The following PTPRA variants were observed in gnomAD, a reference collection of about 807,000 sequenced individuals.
The protein encoded by PTPRA is protein tyrosine phosphatase receptor type A.
Under a neutral mutation model 104.8 loss-of-function variants are expected in PTPRA, and 25 were observed. That is an observed-to-expected ratio of 0.24 (90% CI 0.17 to 0.33). The LOEUF is 0.33. Among genes scored for constraint, PTPRA ranks in the 10% least tolerant of loss-of-function variants. The probability of loss-of-function intolerance (pLI) is 1.00; values close to 1 mark genes in which losing one functional copy is unlikely to be tolerated. For synonymous variants in PTPRA, 323 were observed against 368.9 expected (o/e 0.88, Z 1.43); for missense variants, 765 against 1,015.3 (o/e 0.75, Z 3.35).
chr20:3,037,063 G>GC lies in PTPRA; in HGVS notation c.2199-86dup. On this transcript the variant is annotated intron_variant, in intron 22 of 23. Coordinates refer to ENST00000399903, the MANE Select transcript of PTPRA (RefSeq NM_001385305.1). This position sits in a 1 kb window ranked among gnomAD's most constrained non-coding sequence, Gnocchi z 4.3. Reference sequence around the variant, plus strand: ...GGGCAAAGGCGAGCACCAGCTGCCTGCCCCCACCTCTTCTGCCACTCACCA... The same window carrying GC: ...GGGCAAAGGCGAGCACCAGCTGCCTGCCCCCCACCTCTTCTGCCACTCACCA... 1.3e-6 allele frequency: 2 copies of GC among 1,538,760 alleles called. No individual in the cohort carries two copies. Among genetic ancestry groups the GC allele is most frequent in the East Asian group, 2.3e-5 (1 of 43,908 alleles).
At chr20:2,910,578 G>GTTTCTTTTTTTTTTTTTTTTTTTT (rs1337126801) in intron 1 of PTPRA, among the ~76,000 whole-genome samples, 5 of 32,430 alleles carry the variant, frequency 1.5e-4, no homozygotes, top group Non-Finnish European at 2.1e-4. Context: ...TGCCCAGCTA[G>GTTTCTTTTTTTTTTTTTTTTTTTT]TTTTTTTTTT....
At chr20:2,984,129 G>C (rs1766206202) in intron 6 of PTPRA, among the ~76,000 whole-genome samples, 2 of 152,038 alleles carry the variant, frequency 1.3e-5, no homozygotes, top group South Asian at 4.1e-4. Flanking sequence ...TTTAAGGTGA[G>C]AGCCACATAC....
intron 3 of PTPRA, among the ~76,000 whole-genome samples, chr20:2,957,183 G>C (rs1014994747): frequency 1.3e-5 from 2 of 152,206 alleles, no homozygotes; most frequent in Non-Finnish European, 1.5e-5. Flanking sequence ...TACTCGGAAG[G>C]CTGAGGCAGG....
At chr20:2,982,452 G>C (rs1228989303) in intron 6 of PTPRA, among the ~76,000 whole-genome samples, 1 of 150,900 alleles carries the variant, frequency 6.6e-6, no homozygotes, top group East Asian at 1.9e-4. Context: ...ATTTTTTTTT[G>C]TTCTTTGGCT....
chr20:2,916,224 G>A (rs1253851533), intron 1 of PTPRA, among the ~76,000 whole-genome samples: 1 of 152,008 alleles, frequency 6.6e-6, no homozygotes, highest in Non-Finnish European at 1.5e-5. Flanking sequence ...ATTTTTTCTA[G>A]AGATGGGGTT....
Position 2,950,422 on chromosome 20 carries a change from A to G in PTPRA, c.-7+2398A>G, listed in dbSNP as rs2061313038. Among the ~76,000 whole-genome samples the G allele has an allele frequency of 6.6e-6, 1 of 151,866 alleles. No individual in the cohort carries two copies. Among genetic ancestry groups the G allele is most frequent in the African/African-American group, 2.4e-5 (1 of 41,362 alleles). On this transcript the variant is annotated intron_variant, in intron 3 of 23. Transcript: ENST00000399903. The surrounding 1 kb of genome is among the most constrained non-coding windows in gnomAD (Gnocchi z 4.0). ...GGGAGGCCGAGGCGGGCGGATCACG[A>G]GGTCAAGAGATCGAGACCATCCTGG... is the stretch of plus-strand genomic sequence containing the variant.
chr20:2,941,923 A>G (rs1156627110), intron 2 of PTPRA, among the ~76,000 whole-genome samples: 2 of 152,176 alleles, frequency 1.3e-5, no homozygotes, highest in Non-Finnish European at 2.9e-5. Flanking sequence ...TTAGAGTCCT[A>G]TAATTCTCTT....
chr20:2,997,963 A>G (rs2063466886), intron 9 of PTPRA, among the ~76,000 whole-genome samples: 1 of 152,188 alleles, frequency 6.6e-6, no homozygotes, highest in Non-Finnish European at 1.5e-5. Flanking sequence ...TTATCTCTAC[A>G]AAACAATTTT....
chr20:2,928,039 T>C (rs932073222), intron 2 of PTPRA, among the ~76,000 whole-genome samples: 2 of 152,148 alleles, frequency 1.3e-5, no homozygotes, highest in African/African-American at 2.4e-5. Flanking sequence ...CAATCTATCT[T>C]ACCAGAGTTC....
chr20:2,935,022 T>C (rs2060640419), intron 2 of PTPRA, among the ~76,000 whole-genome samples: 1 of 152,100 alleles, frequency 6.6e-6, no homozygotes, highest in Non-Finnish European at 1.5e-5. Context: ...AAATAACATA[T>C]TAATATCCTT....
chr20:2,867,270 T>C, the PTPRA span, among the ~76,000 whole-genome samples: 1 of 152,156 alleles, frequency 6.6e-6, no homozygotes, highest in Non-Finnish European at 1.5e-5. Context: ...TAATGAGAAG[T>C]GTGTGGCCTG....
At chr20:2,926,769 C>CTT (rs777386962) in intron 2 of PTPRA, among the ~76,000 whole-genome samples, 1,854 of 84,792 alleles carry the variant, frequency 0.022, 34 homozygotes, top group East Asian at 0.079. Context: ...TTTCCTTTTC[C>CTT]TTTTTTTTTT....
At chr20:2,995,919 C>T (rs1422265994) in intron 9 of PTPRA, among the ~76,000 whole-genome samples, 1 of 152,190 alleles carries the variant, frequency 6.6e-6, no homozygotes, top group Non-Finnish European at 1.5e-5. Flanking sequence ...TTGAACACAT[C>T]ACAGGTAATT....
intron 9 of PTPRA, among the ~76,000 whole-genome samples, chr20:2,990,839 T>C (rs1191668792): frequency 6.6e-6 from 1 of 152,164 alleles, no homozygotes; most frequent in Non-Finnish European, 1.5e-5. Context: ...TCACCATTCA[T>C]ATCTGCTCCA....
chr20:2,894,566 C>A (rs950062695), intron 1 of PTPRA, among the ~76,000 whole-genome samples: 2 of 151,670 alleles, frequency 1.3e-5, no homozygotes, highest in African/African-American at 4.8e-5. Context: ...CCTTGGCCTC[C>A]CAAGGTGCTA....
the PTPRA span, among the ~76,000 whole-genome samples, chr20:2,867,837 C>CT: frequency 6.6e-6 from 1 of 152,198 alleles, no homozygotes; most frequent in Non-Finnish European, 1.5e-5. Flanking sequence ...GAAGGTATTT[C>CT]TTTTTTTCCT....
chr20:2,872,024 A>T (rs1040979631), upstream of PTPRA, among the ~76,000 whole-genome samples: 5 of 152,236 alleles, frequency 3.3e-5, no homozygotes, highest in African/African-American at 1.2e-4. This position sits in a 1 kb window ranked among gnomAD's most constrained non-coding sequence, Gnocchi z 7.9. Context: ...GGACTAACTT[A>T]TTCCACAATA....
intron 1 of PTPRA, among the ~76,000 whole-genome samples, chr20:2,916,194 C>T (rs1482327722): frequency 6.6e-6 from 1 of 151,896 alleles, no homozygotes; most frequent in Non-Finnish European, 1.5e-5. Flanking sequence ...CTTGTGCCAC[C>T]ATGCCTGGCT....
intron 1 of PTPRA, among the ~76,000 whole-genome samples, chr20:2,896,173 A>G (rs945886125): frequency 6.6e-6 from 1 of 151,982 alleles, no homozygotes; most frequent in African/African-American, 2.4e-5. Context: ...TCATGAGTTC[A>G]AGACCAGCCT....
Sources: allele counts gnomAD v4.1 joint callset (sites outside exome capture counted in the v4.1 genomes callset), GRCh38; gene constraint gnomAD v4.1.1; non-coding constraint Gnocchi (gnomAD v3.1); transcripts MANE v1.5; gene names NCBI Gene and HGNC (gene_info 2026-07-23, HGNC 2026-07-21).